Variants in MFHAS1 observed in about 807,000 individuals in gnomAD.
MFHAS1 encodes the protein multifunctional ROCO family signaling regulator 1, also known as malignant fibrous histiocytoma-amplified sequence 1.
A neutral mutation model predicts 70.4 loss-of-function variants in MFHAS1; 50 were observed. The observed-to-expected ratio is 0.71, with a 90% CI of 0.57 to 0.90. The LOEUF is 0.90. Among genes scored for constraint, MFHAS1 ranks in the 40% least tolerant of loss-of-function variants. MFHAS1 has a pLI of 0.00. For synonymous variants in MFHAS1, 952 were observed against 620.0 expected, an observed-to-expected ratio of 1.54 and a Z score of -7.96; for missense variants, 1,795 against 1,347.6, an observed-to-expected ratio of 1.33 and a Z score of -5.20.
chr8:8,835,846 G>A (rs1273391191), intron 1 of MFHAS1, among the ~76,000 whole-genome samples: 2 of 152,284 alleles, frequency 1.3e-5, no homozygotes, highest in South Asian at 2.1e-4. Context: ...AACATGGCCC[G>A]CTGCCTGTTC....
chr8:8,849,754 G>A (rs887777813), intron 1 of MFHAS1, among the ~76,000 whole-genome samples: 1 of 152,208 alleles, frequency 6.6e-6, no homozygotes, highest in South Asian at 2.1e-4. Flanking sequence ...GGGTAGATAA[G>A]CTTTACTTTC....
chr8:8,814,849 C>CTTTTTTTT (rs34438669), intron 1 of MFHAS1, among the ~76,000 whole-genome samples: 13 of 130,430 alleles, frequency 1.0e-4, no homozygotes, highest in Non-Finnish European at 8.2e-5. Flanking sequence ...GCTAGAATTT[C>CTTTTTTTT]TTTTTTTTTT....
intron 1 of MFHAS1, among the ~76,000 whole-genome samples, chr8:8,808,583 C>G (rs1457014588): frequency 1.3e-5 from 2 of 152,144 alleles, no homozygotes; most frequent in East Asian, 1.9e-4. Context: ...CTGAAATTAC[C>G]AGATCTACAG....
intron 1 of MFHAS1, among the ~76,000 whole-genome samples, chr8:8,886,219 G>A (rs1243242223): frequency 6.6e-6 from 1 of 151,578 alleles, no homozygotes; most frequent in Admixed American, 6.6e-5. Context: ...GGGTCAGAGT[G>A]CAATGGCACA....
At chr8:8,797,110 A>T (rs73201844) in intron 2 of MFHAS1, among the ~76,000 whole-genome samples, 3,434 of 152,052 alleles carry the variant, frequency 0.023, 87 homozygotes, top group African/African-American at 0.057. Context: ...TGACATCTCA[A>T]AAAGGCTGTT....
chr8:8,845,242 T>C (rs1174782305), intron 1 of MFHAS1, among the ~76,000 whole-genome samples: 1 of 152,238 alleles, frequency 6.6e-6, no homozygotes, highest in Non-Finnish European at 1.5e-5. Flanking sequence ...TCTAGGTTAG[T>C]TCACATAAAA....
chr8:8,878,236 A>C (rs1435446025), intron 1 of MFHAS1, among the ~76,000 whole-genome samples: 1 of 152,114 alleles, frequency 6.6e-6, no homozygotes, highest in African/African-American at 2.4e-5. Context: ...TCTGGAAATC[A>C]ATGGCAACCT....
chr8:8,850,277 T>A (rs1808193107), intron 1 of MFHAS1, among the ~76,000 whole-genome samples: 1 of 152,224 alleles, frequency 6.6e-6, no homozygotes, highest in Non-Finnish European at 1.5e-5. Context: ...TTCATTAAAA[T>A]GCAAATAGCT....
chr8:8,892,077 T>C lies in MFHAS1; in HGVS notation c.982A>G (p.Asn328Asp), dbSNP rs758436664. 2 of 1,613,146 alleles carry C rather than the reference T, an allele frequency of 1.2e-6. No homozygotes were observed. Among genetic ancestry groups the C allele is most frequent in the South Asian group, 1.1e-5 (1 of 91,062 alleles). The change falls in exon 1 of 3, where the codon AAT (asparagine) becomes GAT (aspartate). Residue 328 changes from asparagine to aspartate, a missense_variant. Physicochemically the swap from Asn to Asp is conservative, Grantham distance 23. Coordinates refer to ENST00000276282, the MANE Select transcript of MFHAS1 (RefSeq NM_004225.3). The surrounding 1 kb of genome is among the most constrained non-coding windows in gnomAD (Gnocchi z 4.7). ...TCCGGCAGGTAGCGGATGCGGTTAT[T>C]ATCCAGCCACAAGGTGAGAAGCCGG... ...LGRLLTLWLD[N>D]NRIRYLPDSI...
Position 8,796,983 on chromosome 8 carries a change from G to A in MFHAS1, c.3125+382C>T, listed in dbSNP as rs543947044. On this transcript the variant is annotated intron_variant, in intron 2 of 2. Transcript: ENST00000276282. ...TGCACTCCAGCCTGGGTGACAGAGC[G>A]AGACTCCATCTCAAAAAACAACAAC... 8.7e-4 allele frequency among the ~76,000 whole-genome samples: 133 copies of A among 152,130 alleles called. 1 individual carries two copies. The highest frequency in any genetic ancestry group is 3.0e-3 in the African/African-American group (125 of 41,512).
In MFHAS1 at chr8:8,849,182, G is replaced by A. The variant is rs1267072640; in HGVS notation, c.2998+40879C>T. Among the ~76,000 whole-genome samples, 6 of 136,986 alleles carry A rather than the reference G, an allele frequency of 4.4e-5. No individual in the cohort carries two copies. In the East Asian group the frequency reaches 1.4e-3, roughly 33 times the overall value. The allele number at this position is 136,986 out of a possible 152,430, so 89.9% of individuals were successfully genotyped here. On this transcript the variant is annotated intron_variant, in intron 1 of 2. Coordinates refer to ENST00000276282, the MANE Select transcript of MFHAS1 (RefSeq NM_004225.3). ...TGCAACCTCTGCCTCCCGTGTTCAA[G>A]CGATTCTCCTGCCTTAGCCTCCCGA...
At chr8:8,845,115 T>C (rs1264119508) in intron 1 of MFHAS1, among the ~76,000 whole-genome samples, 1 of 152,230 alleles carries the variant, frequency 6.6e-6, no homozygotes, top group Non-Finnish European at 1.5e-5. Flanking sequence ...AACAGAAATT[T>C]AAACTGACCC....
chr8:8,851,830 C>T (rs1055854205), intron 1 of MFHAS1, among the ~76,000 whole-genome samples: 3 of 152,078 alleles, frequency 2.0e-5, no homozygotes, highest in Non-Finnish European at 4.4e-5. Flanking sequence ...TTGTGATGCC[C>T]CCCGCAAAAT....
intron 1 of MFHAS1, among the ~76,000 whole-genome samples, chr8:8,815,904 A>C (rs1197168374): frequency 6.6e-6 from 1 of 152,248 alleles, no homozygotes; most frequent in African/African-American, 2.4e-5. Flanking sequence ...GAAGGAATAC[A>C]AGTGTCCGTT....
At chr8:8,857,871 G>C (rs1468637613) in intron 1 of MFHAS1, among the ~76,000 whole-genome samples, 1 of 152,200 alleles carries the variant, frequency 6.6e-6, no homozygotes, top group East Asian at 1.9e-4. Flanking sequence ...TTTCCCTGTA[G>C]AGTTGGGCAA....
chr8:8,892,750 G>C lies in MFHAS1; in HGVS notation c.309C>G (p.Pro103=), dbSNP rs1186703477. The part of the protein sequence containing the change: ...VLRRNRFARL[P]PAVAELGHHL... ...GGTGGCCGAGCTCGGCCACCGCCGG[G>C]GGCAGCCGGGCGAAGCGGTTCCTGC... The change falls in exon 1 of 3, where the codon CCC becomes CCG. Residue 103 remains proline, a synonymous_variant. Transcript: ENST00000276282. The surrounding 1 kb of genome is among the most constrained non-coding windows in gnomAD (Gnocchi z 4.7). 3.4e-5 allele frequency: 53 copies of C among 1,575,912 alleles called. No individual in the cohort carries two copies. Among genetic ancestry groups the C allele is most frequent in the Non-Finnish European group, 4.6e-5 (53 of 1,163,392 alleles).
In MFHAS1 at chr8:8,843,442, A is replaced by G. The variant is rs553945058; in HGVS notation, c.2999-45951T>C. On this transcript the variant is annotated intron_variant, in intron 1 of 2. Coordinates refer to ENST00000276282, the MANE Select transcript of MFHAS1 (RefSeq NM_004225.3). ...CTACAAAAAATAAAGAAACTCAGAT[A>G]CGGTGTTGTGCACCTTTAGTCCCAG... is the stretch of plus-strand genomic sequence containing the variant. Among the ~76,000 whole-genome samples, 40 of 152,158 alleles carry G rather than the reference A, an allele frequency of 2.6e-4. No homozygotes were observed. The South Asian group carries it at 8.3e-3, about 32-fold the overall frequency.
At chr8:8,828,960 T>C (rs1042009922) in intron 1 of MFHAS1, among the ~76,000 whole-genome samples, 3 of 152,150 alleles carry the variant, frequency 2.0e-5, no homozygotes, top group African/African-American at 7.2e-5. Flanking sequence ...CCTGCCTCCC[T>C]CTTCCGGCCC....
At chr8:8,848,404 A>C (rs1388685103) in intron 1 of MFHAS1, among the ~76,000 whole-genome samples, 1 of 151,970 alleles carries the variant, frequency 6.6e-6, no homozygotes, top group Non-Finnish European at 1.5e-5. Flanking sequence ...GAAGAAAAAA[A>C]AAAAAAAAAG....
Sources: gnomAD v4.1 joint callset for allele counts (sites outside exome capture counted in the v4.1 genomes callset) on GRCh38, gnomAD v4.1.1 for gene constraint, Gnocchi (gnomAD v3.1) non-coding constraint, MANE v1.5 for transcripts, NCBI Gene and HGNC (gene_info 2026-07-23, HGNC 2026-07-21) for gene names.